The following NCAPD2 variants were observed in gnomAD, a reference collection of about 807,000 sequenced individuals.
The protein encoded by NCAPD2 is condensin complex subunit 1.
Under a neutral mutation model 164.5 loss-of-function variants are expected in NCAPD2, and 100 were observed. The observed-to-expected ratio is 0.61, with a 90% CI of 0.52 to 0.72. The LOEUF (loss-of-function observed/expected upper bound fraction) is 0.72. NCAPD2 is among the 30% of genes least tolerant of loss of function. The pLI, the probability that NCAPD2 is intolerant of heterozygous loss-of-function variation, is 0.00. For synonymous variants in NCAPD2, 585 were observed against 642.6 expected (o/e 0.91, Z 1.36); for missense variants, 1,560 against 1,749.2 (o/e 0.89, Z 1.93).
Position 6,522,183 on chromosome 12 carries a change from G to A in NCAPD2, c.1954+146G>A, listed in dbSNP as rs11064244. The A allele has an allele frequency of 0.012, 10,844 of 872,552 alleles. 759 individuals are homozygous for A. In the East Asian group the frequency reaches 0.18, roughly 14 times the overall value. 54.1% of individuals were successfully genotyped at this position (872,552 alleles called of 1,614,324 possible). A position where few individuals can be genotyped will look rare whatever the true frequency, so the allele number is the denominator to read the frequency against. The stretch of plus-strand genomic sequence containing the variant: ...TCCTGGGCTCAGGCAATTCTTCTGC[G>A]TCAGCCTCCCAAAGTGCTGGTATTA... On this transcript the variant is annotated intron_variant, in intron 15 of 31. Coordinates refer to ENST00000315579, the MANE Select transcript of NCAPD2 (RefSeq NM_014865.4).
rs1343212266 is a variant in NCAPD2 at position 6,531,728 on chromosome 12, C to G, written c.*316C>G. 8.3e-6 allele frequency: 3 copies of G among 362,976 alleles called. No homozygotes were observed. The highest frequency in any genetic ancestry group is 4.3e-5 in the African/African-American group (2 of 46,966). The allele number at this position is 362,976 out of a possible 1,614,324, so 22.5% of individuals were successfully genotyped here. ...GCTGAGGCAGGAGAATCGCCTGAACCCAGAGGCGGAGGTTGTAGTGAGCCG... is the reference window on the plus strand; with the variant it reads ...GCTGAGGCAGGAGAATCGCCTGAACGCAGAGGCGGAGGTTGTAGTGAGCCG... On this transcript the variant is annotated 3_prime_UTR_variant, in exon 32 of 32. Transcript: ENST00000315579. The surrounding 1 kb of genome is among the most constrained non-coding windows in gnomAD (Gnocchi z 4.1).
chr12:6,523,670 T>C (rs899123979), intron 17 of NCAPD2, among the ~76,000 whole-genome samples: 1 of 152,238 alleles, frequency 6.6e-6, no homozygotes, highest in Non-Finnish European at 1.5e-5. Context: ...GTGCTGGGAT[T>C]ACAGGCGTGA....
intron 2 of NCAPD2, among the ~76,000 whole-genome samples, chr12:6,504,200 T>TATAC (rs1555137401): frequency 4.5e-5 from 1 of 22,438 alleles, no homozygotes; most frequent in East Asian, 1.5e-3. Flanking sequence ...TATATATATA[T>TATAC]ATATATATAT....
chr12:6,511,068 T>C (rs747390717), intron 5 of NCAPD2, 42 bp from the exon 6 acceptor site: 5 of 1,604,980 alleles, frequency 3.1e-6, no homozygotes, highest in African/African-American at 1.3e-5. Context: ...GACCCACTTT[T>C]TTCCCTTATT....
intron 2 of NCAPD2, among the ~76,000 whole-genome samples, chr12:6,495,535 T>C (rs527369459): frequency 2.4e-4 from 36 of 152,338 alleles, no homozygotes; most frequent in African/African-American, 7.9e-4. Flanking sequence ...TTAAGAGTTA[T>C]AGGAGTGGAT....
chr12:6,507,381 A>G (rs142182266), intron 2 of NCAPD2, among the ~76,000 whole-genome samples: 1 of 152,328 alleles, frequency 6.6e-6, no homozygotes, highest in African/African-American at 2.4e-5. Flanking sequence ...TCAAAATCCT[A>G]AGGAAAATGA....
At chr12:6,519,383 C>T (rs1946243484) in intron 13 of NCAPD2, among the ~76,000 whole-genome samples, 1 of 152,220 alleles carries the variant, frequency 6.6e-6, no homozygotes, top group Non-Finnish European at 1.5e-5. Flanking sequence ...CAGAATCTCA[C>T]TGTTGCCCAG....
chr12:6,530,834 G>A lies in NCAPD2; in HGVS notation c.3964+17G>A, dbSNP rs1398477124. The A allele has an allele frequency of 1.9e-6, 3 of 1,614,198 alleles. No homozygotes were observed. The highest frequency in any genetic ancestry group is 2.5e-6 in the Non-Finnish European group (3 of 1,180,030). On this transcript the variant is annotated intron_variant, in intron 30 of 31. Transcript: ENST00000315579. Reference sequence around the variant, plus strand: ...CATCCACTGGTACGTAAGGCAGCCTGTGCGGGCGAGACCAGACTGGGCCCT... The same window carrying A: ...CATCCACTGGTACGTAAGGCAGCCTATGCGGGCGAGACCAGACTGGGCCCT...
Position 6,517,375 on chromosome 12 carries a change from T to C in NCAPD2, c.1196T>C (p.Leu399Pro), listed in dbSNP as rs749581234. Residue 399 changes from leucine to proline, a missense_variant, in exon 11 of 32, where the codon CTG (leucine) becomes CCG (proline). Transcript: ENST00000315579. ...TCCTACCCTACACAGGCTCTCCCCC[T>C]GACACGTTTCCAGGCAGTGGTGGCT... ...TRIVQQKALP[L>P]TRFQAVVALA... 6.2e-7 allele frequency: 1 copy of C among 1,614,082 alleles called. No individual in the cohort carries two copies. Among genetic ancestry groups the C allele is most frequent in the Non-Finnish European group, 8.5e-7 (1 of 1,179,968 alleles).
chr12:6,503,008 CTTTTT>C (rs58563520), intron 2 of NCAPD2, among the ~76,000 whole-genome samples: 7 of 86,288 alleles, frequency 8.1e-5, no homozygotes, highest in Admixed American at 1.5e-4. Context: ...CCACACCTGG[CTTTTT>C]TTTTTTTTTT....
At chr12:6,518,134 T>C (rs1946221631) in intron 13 of NCAPD2, 175 bp downstream of exon 13, 2 of 570,100 alleles carry the variant, frequency 3.5e-6, no homozygotes, top group South Asian at 4.8e-5. Context: ...CAATTAAGCA[T>C]GTGTTTCTAC....
Position 6,530,919 on chromosome 12 carries a change from A to G in NCAPD2, c.3965-2A>G, listed in dbSNP as rs199822766. 1.1e-5 allele frequency: 18 copies of G among 1,613,054 alleles called. No homozygotes were observed. The highest frequency in any genetic ancestry group is 8.5e-7 in the Non-Finnish European group (1 of 1,179,606). On this transcript the variant is annotated splice_acceptor_variant, in intron 30 of 31. Transcript: ENST00000315579. LOFTEE classifies it high-confidence loss of function. Reference sequence around the variant, plus strand: ...TAAATCACGTTTTCCTGCCTTTTCTAGGTTCTAGGTACCAGCCTCTGGCTT... The same window carrying G: ...TAAATCACGTTTTCCTGCCTTTTCTGGGTTCTAGGTACCAGCCTCTGGCTT...
intron 6 of NCAPD2, among the ~76,000 whole-genome samples, chr12:6,512,533 T>C (rs1180642599): frequency 2.0e-5 from 3 of 152,150 alleles, no homozygotes; most frequent in African/African-American, 7.2e-5. Flanking sequence ...TGAGAGCAGG[T>C]ACGAGGGTTA....
At chr12:6,500,852 A>T (rs147489938) in intron 2 of NCAPD2, among the ~76,000 whole-genome samples, 12 of 152,172 alleles carry the variant, frequency 7.9e-5, no homozygotes, top group African/African-American at 2.7e-4. Context: ...AGCAGAGACT[A>T]TAAGAGGCAA....
intron 2 of NCAPD2, among the ~76,000 whole-genome samples, chr12:6,505,629 A>G (rs1946092059): frequency 6.6e-6 from 1 of 152,284 alleles, no homozygotes; most frequent in African/African-American, 2.4e-5. Context: ...ACCTGAAATC[A>G]GGAGTTCAAG....
chr12:6,528,026 C>T lies in NCAPD2; in HGVS notation c.3078C>T (p.Gly1026=), dbSNP rs1565547323. 2 of 1,614,092 alleles carry T rather than the reference C, an allele frequency of 1.2e-6. No homozygotes were observed. Among genetic ancestry groups the T allele is most frequent in the Non-Finnish European group, 1.7e-6 (2 of 1,180,042 alleles). The change falls in exon 24 of 32, where the codon GGC becomes GGT. Residue 1026 remains glycine (G), a synonymous_variant. Coordinates refer to ENST00000315579, the MANE Select transcript of NCAPD2 (RefSeq NM_014865.4). This position sits in a 1 kb window ranked among gnomAD's most constrained non-coding sequence, Gnocchi z 5.1. The part of the protein sequence containing the change: ...PLLLKVCNNP[G]LYSNPDLSAA... ...TGCTTAAAGTCTGTAACAACCCAGG[C>T]CTCTATAGCAACCCAGACCTCTCTG...
chr12:6,494,481 C>G (rs1396191530), intron 1 of NCAPD2, among the ~76,000 whole-genome samples: 1 of 152,196 alleles, frequency 6.6e-6, no homozygotes, highest in African/African-American at 2.4e-5. Flanking sequence ...ATACTTAGAT[C>G]AGATATGATA....
At chr12:6,505,497 A>G (rs1035562740) in intron 2 of NCAPD2, among the ~76,000 whole-genome samples, 1 of 152,218 alleles carries the variant, frequency 6.6e-6, no homozygotes, top group Non-Finnish European at 1.5e-5. Flanking sequence ...AAATTATTAC[A>G]GTACTACAGT....
At chr12:6,523,754 G>T (rs1450851749) in intron 17 of NCAPD2, among the ~76,000 whole-genome samples, 3 of 152,200 alleles carry the variant, frequency 2.0e-5, no homozygotes, top group Non-Finnish European at 2.9e-5. Context: ...CCAGAAAGAA[G>T]TATAAGACTA....
Sources: allele counts gnomAD v4.1 joint callset (sites outside exome capture counted in the v4.1 genomes callset), GRCh38; gene constraint gnomAD v4.1.1; non-coding constraint Gnocchi (gnomAD v3.1); transcripts MANE v1.5; gene names NCBI Gene and HGNC (gene_info 2026-07-23, HGNC 2026-07-21).